The following PRSS55 variants were observed in gnomAD, a reference collection of about 807,000 sequenced individuals.
PRSS55 encodes the protein serine protease 55, also known as probable serine protease UNQ9391/PRO34284.
PRSS55 carries 41 observed loss-of-function variants against 23.6 expected under a neutral mutation model. That is an observed-to-expected ratio of 1.74 (90% CI 1.35 to 2.26). The LOEUF (loss-of-function observed/expected upper bound fraction) is 2.26. PRSS55 is among the 30% of genes most tolerant of loss of function. PRSS55 has a pLI of 0.00. For missense variants in PRSS55, 669 were observed against 439.1 expected (o/e 1.52, Z -4.68); for synonymous variants, 262 against 175.5 (o/e 1.49, Z -3.90).
At chr8:10,533,220 G>C (rs965636811) in intron 4 of PRSS55, among the ~76,000 whole-genome samples, 172 bp downstream of exon 4, 2 of 152,234 alleles carry the variant, frequency 1.3e-5, no homozygotes, top group Admixed American at 6.5e-5. Flanking sequence ...CTCTGGAGCT[G>C]TGAGTGAGCA....
chr8:10,553,896 A>T, intron 4 of PRSS55: 2 of 1,304,070 alleles, frequency 1.5e-6, no homozygotes, highest in Non-Finnish European at 2.1e-6. Context: ...TTGTACAATA[A>T]ATACATAAAA....
exon 5 of PRSS55, chr8:10,554,078 CAT>C (rs1218487573): frequency 3.9e-6 from 5 of 1,295,596 alleles, no homozygotes; most frequent in Non-Finnish European, 4.2e-6. Context: ...GGGCAGAAAA[CAT>C]ACCCTTGGGC....
chr8:10,535,691 G>C (rs969558922), intron 4 of PRSS55, among the ~76,000 whole-genome samples: 1 of 152,144 alleles, frequency 6.6e-6, no homozygotes, highest in Non-Finnish European at 1.5e-5. Flanking sequence ...GTCTCCAAAA[G>C]CAATTGCAAC....
intron 4 of PRSS55, among the ~76,000 whole-genome samples, chr8:10,536,414 G>T (rs1812454802): frequency 6.6e-6 from 1 of 152,134 alleles, no homozygotes; most frequent in Non-Finnish European, 1.5e-5. Flanking sequence ...ACTTCTGGTG[G>T]GAATGTAAAT....
intron 3 of PRSS55, among the ~76,000 whole-genome samples, chr8:10,532,587 A>G (rs1397481794): frequency 6.6e-6 from 1 of 152,230 alleles, no homozygotes; most frequent in Non-Finnish European, 1.5e-5. Flanking sequence ...TTGATATGGC[A>G]GGATTATGCT....
intron 4 of PRSS55, among the ~76,000 whole-genome samples, chr8:10,549,537 C>A (rs954808526): frequency 6.6e-6 from 1 of 152,192 alleles, no homozygotes; most frequent in Admixed American, 6.5e-5. Context: ...TCACCAAGCC[C>A]TGCTAAATGT....
At chr8:10,535,569 G>A (rs12541554) in intron 4 of PRSS55, among the ~76,000 whole-genome samples, 48,777 of 152,036 alleles carry the variant, frequency 0.32, 8,004 homozygotes, top group South Asian at 0.45. Context: ...AAATCAATGC[G>A]AGTTGGATAA....
chr8:10,535,590 T>C (rs1266200615), intron 4 of PRSS55, among the ~76,000 whole-genome samples: 1 of 152,180 alleles, frequency 6.6e-6, no homozygotes, highest in African/African-American at 2.4e-5. Context: ...AAGACTTAAA[T>C]ATAAAACCCA....
At chr8:10,537,639 G>A (rs1812502703) in intron 4 of PRSS55, among the ~76,000 whole-genome samples, 1 of 152,146 alleles carries the variant, frequency 6.6e-6, no homozygotes, top group Non-Finnish European at 1.5e-5. Context: ...ACGCTTGAGG[G>A]GATGGATACC....
intron 2 of PRSS55, among the ~76,000 whole-genome samples, chr8:10,530,993 G>C (rs538594860): frequency 6.6e-6 from 1 of 152,260 alleles, no homozygotes; most frequent in South Asian, 2.1e-4. Flanking sequence ...GGGCTGTGTA[G>C]AGTGCTCTAA....
intron 1 of PRSS55, among the ~76,000 whole-genome samples, chr8:10,528,081 A>G (rs1812101570): frequency 6.6e-6 from 1 of 151,966 alleles, no homozygotes; most frequent in African/African-American, 2.4e-5. Context: ...AGTCCCAGCT[A>G]CTTGGGAAGC....
intron 4 of PRSS55, among the ~76,000 whole-genome samples, chr8:10,545,670 T>A (rs566165394): frequency 6.6e-6 from 1 of 152,284 alleles, no homozygotes; most frequent in African/African-American, 2.4e-5. Context: ...AGAATATGCA[T>A]TGGATTGGAA....
At chr8:10,553,929 T>C (rs146356505) in intron 4 of PRSS55, 1 of 660,304 alleles carries the variant, frequency 1.5e-6, no homozygotes, top group Non-Finnish European at 2.0e-6. Context: ...GTCAATTTAA[T>C]TTTTTTTTTA....
At chr8:10,528,362 G>T (rs1407147107) in intron 1 of PRSS55, among the ~76,000 whole-genome samples, 1 of 152,196 alleles carries the variant, frequency 6.6e-6, no homozygotes, top group African/African-American at 2.4e-5. Context: ...CTTCTGTTGA[G>T]CTGATGGTTG....
At chr8:10,548,265 A>T (rs1194443932) in intron 4 of PRSS55, among the ~76,000 whole-genome samples, 1 of 152,052 alleles carries the variant, frequency 6.6e-6, no homozygotes, top group African/African-American at 2.4e-5. Context: ...GTGACTCCAG[A>T]CCAGGCACGA....
At chr8:10,538,372 C>T (rs1470164385) in intron 4 of PRSS55, 104 bp from the exon 5 acceptor site, 3 of 915,326 alleles carry the variant, frequency 3.3e-6, no homozygotes, top group South Asian at 1.7e-5. Context: ...GGTTGGCAGC[C>T]AGAGTTGGGG....
intron 1 of PRSS55, among the ~76,000 whole-genome samples, chr8:10,526,406 A>C (rs751800324): frequency 1.3e-5 from 2 of 152,208 alleles, no homozygotes; most frequent in African/African-American, 4.8e-5. Flanking sequence ...GCCAGGCTGC[A>C]TGCCCTGTGC....
At chr8:10,543,434 TCCTTCCTTCCATCC>T (rs1563547250), downstream of PRSS55, among the ~76,000 whole-genome samples, 11 of 14,946 alleles carry the variant, frequency 7.4e-4, no homozygotes, top group African/African-American at 9.3e-4. Context: ...CTTCCTTCCT[TCCTTCCTTCCATCC>T]TTCCTTCCTT....
chr8:10,547,590 AC>A (rs1256274751), intron 4 of PRSS55: 1 of 151,944 alleles, frequency 6.6e-6, no homozygotes, highest in Non-Finnish European at 1.5e-5. Context: ...GCTCCGGCCA[AC>A]CCCGTTAGCA....
Sources: gnomAD v4.1 joint callset for allele counts (sites outside exome capture counted in the v4.1 genomes callset) on GRCh38, gnomAD v4.1.1 for gene constraint, MANE v1.5 for transcripts, NCBI Gene and HGNC (gene_info 2026-07-23, HGNC 2026-07-21) for gene names.